PCDHA6: variants seen among roughly 807,000 people sequenced by gnomAD.
PCDHA6 encodes the protein protocadherin alpha 6, also known as protocadherin alpha-6.
In PCDHA6, 55 loss-of-function variants were observed where a neutral mutation model predicts 60.3. That is an observed-to-expected ratio of 0.91 (90% CI 0.73 to 1.14). The LOEUF is 1.14. Among genes scored for constraint, PCDHA6 ranks in the 50% most tolerant of loss-of-function variants. PCDHA6 has a pLI of 0.00. For synonymous variants in PCDHA6, 652 were observed against 557.9 expected, an observed-to-expected ratio of 1.17 and a Z score of -2.38; for missense variants, 1,327 against 1,256.5, an observed-to-expected ratio of 1.06 and a Z score of -0.85.
At chr5:140,838,240 A>C (rs181955850) in intron 1 of PCDHA6, among the ~76,000 whole-genome samples, 1 of 150,206 alleles carries the variant, frequency 6.7e-6, no homozygotes, top group Admixed American at 6.6e-5. Context: ...CAGTCTCCCA[A>C]GTAGCTGGGA....
intron 3 of PCDHA6, among the ~76,000 whole-genome samples, chr5:141,006,247 T>C (rs1554260651): frequency 2.0e-5 from 3 of 152,126 alleles, no homozygotes; most frequent in Non-Finnish European, 2.9e-5. Context: ...AGTCTTGCTC[T>C]GTTGCCCAGG....
intron 1 of PCDHA6, among the ~76,000 whole-genome samples, chr5:140,945,632 A>G (rs1258111936): frequency 6.6e-6 from 1 of 152,168 alleles, no homozygotes; most frequent in African/African-American, 2.4e-5. Flanking sequence ...GGCATAAAAG[A>G]CATGTAGACC....
intron 1 of PCDHA6, among the ~76,000 whole-genome samples, chr5:140,940,131 G>A (rs1443086111): frequency 7.2e-5 from 11 of 152,092 alleles, no homozygotes; most frequent in African/African-American, 2.4e-4. Context: ...ATTTCTGCTA[G>A]TGATAAACTA....
At chr5:140,983,807 G>A (rs1158459034) in intron 3 of PCDHA6, among the ~76,000 whole-genome samples, 1 of 152,100 alleles carries the variant, frequency 6.6e-6, no homozygotes, top group African/African-American at 2.4e-5. Context: ...TGTGTAAAAG[G>A]TTTTTTCCCA....
chr5:140,960,258 T>G (rs551623092), intron 1 of PCDHA6, among the ~76,000 whole-genome samples: 1 of 152,248 alleles, frequency 6.6e-6, no homozygotes, highest in Non-Finnish European at 1.5e-5. Context: ...CTGGAGCTTC[T>G]GATAAATTCC....
chr5:140,977,518 G>C (rs1328241179), intron 1 of PCDHA6, among the ~76,000 whole-genome samples: 5 of 152,166 alleles, frequency 3.3e-5, no homozygotes, highest in African/African-American at 7.2e-5. Context: ...TTGTGAACTT[G>C]AAAACAAAGG....
rs572664608 is a variant in PCDHA6 at position 140,918,936 on chromosome 5, T to C, written c.2395-60013T>C. 6.0e-4 allele frequency among the ~76,000 whole-genome samples: 92 copies of C among 152,342 alleles called. 2 individuals are homozygous for C. Among genetic ancestry groups the C allele is most frequent in the Admixed American group, 5.2e-3 (80 of 15,310 alleles). On this transcript the variant is annotated intron_variant, in intron 1 of 3. Transcript: ENST00000529310. ...AACTACACAGCATATGGCATTTTGT[T>C]ATAATATCCTGAACAGACTAAGACA...
rs782027925 is a variant in PCDHA6, at chr5:140,877,333, C to G, written c.2394+46848C>G. The G allele has an allele frequency of 2.5e-6, 4 of 1,613,992 alleles. No individual in the cohort carries two copies. The South Asian group carries it at 3.3e-5, about 13-fold the overall frequency. Reference sequence around the variant, plus strand: ...ACCGGCGGCGGTCGGCGCGCACATCCCGTTCCACGTGGGGCTGTACACTGG... The same window carrying G: ...ACCGGCGGCGGTCGGCGCGCACATCGCGTTCCACGTGGGGCTGTACACTGG... On this transcript the variant is annotated intron_variant, in intron 1 of 3. Transcript: ENST00000529310.
At chr5:140,985,936 T>C (rs1379150817) in intron 3 of PCDHA6, among the ~76,000 whole-genome samples, 3 of 152,038 alleles carry the variant, frequency 2.0e-5, no homozygotes, top group Non-Finnish European at 2.9e-5. Context: ...AGCCGGGGTT[T>C]CACTGTGTTA....
intron 1 of PCDHA6, among the ~76,000 whole-genome samples, chr5:140,913,794 T>A: frequency 6.6e-6 from 1 of 152,194 alleles, no homozygotes. Context: ...ATCATTTGTT[T>A]GAATCAAATT....
rs2150444436 is a variant in PCDHA6, at chr5:140,849,672, G to T, written c.2394+19187G>T. On this transcript the variant is annotated intron_variant, in intron 1 of 3. Coordinates refer to ENST00000529310, the MANE Select transcript of PCDHA6 (RefSeq NM_018909.4). The stretch of plus-strand genomic sequence containing the variant: ...GGTTACCTGCTCCCTGACGCCCCAC[G>T]TCCCCTTCAAGCTGGTGTCCACCTA... 151 of 1,598,650 alleles carry T rather than the reference G, an allele frequency of 9.4e-5. 5 individuals carry two copies. The South Asian group carries it at 1.5e-3, about 16-fold the overall frequency.
chr5:140,843,528 A>G (rs2150362110), intron 1 of PCDHA6: 1 of 1,596,000 alleles, frequency 6.3e-7, no homozygotes, highest in Non-Finnish European at 8.6e-7. Context: ...CGGGCGGGCA[A>G]GCCCACTCTG....
At chr5:140,877,724 C>A in intron 1 of PCDHA6, 1 of 1,614,150 alleles carries the variant, frequency 6.2e-7, no homozygotes, top group Non-Finnish European at 8.5e-7. Context: ...TGGTCTTACT[C>A]GCAGCAGAGG....
intron 3 of PCDHA6, among the ~76,000 whole-genome samples, chr5:140,999,252 T>C (rs1474093411): frequency 1.3e-5 from 2 of 152,204 alleles, no homozygotes; most frequent in African/African-American, 4.8e-5. Flanking sequence ...GGGAGTTGGA[T>C]TAGTAAAGGA....
chr5:140,833,761 C>CAG (rs1772632017), intron 1 of PCDHA6, among the ~76,000 whole-genome samples: 1 of 151,960 alleles, frequency 6.6e-6, no homozygotes, highest in South Asian at 2.1e-4. Flanking sequence ...AACACACACA[C>CAG]ACACACCGCT....
At chr5:140,836,355 T>G (rs2150258561) in intron 1 of PCDHA6, 2 of 1,613,660 alleles carry the variant, frequency 1.2e-6, no homozygotes, top group Admixed American at 3.3e-5. Flanking sequence ...CGGGGAGCCC[T>G]CGCTGACAGC....
intron 1 of PCDHA6, chr5:140,867,827 C>A (rs1219513690): frequency 2.0e-5 from 3 of 152,066 alleles, no homozygotes; most frequent in Non-Finnish European, 4.4e-5. Context: ...TCCACAAGCA[C>A]TAAGGTAATT....
chr5:140,841,305 G>A (rs2150313122), intron 1 of PCDHA6: 2 of 1,543,548 alleles, frequency 1.3e-6, no homozygotes, highest in Non-Finnish European at 1.8e-6. Context: ...TTTTCTGATA[G>A]GAAACGACTA....
intron 3 of PCDHA6, 65 bp downstream of exon 3, chr5:140,982,628 G>T: frequency 6.3e-7 from 1 of 1,578,118 alleles, no homozygotes; most frequent in Non-Finnish European, 8.6e-7. Flanking sequence ...ACCTACTTTT[G>T]TAAGATCAGG....
Sources: gnomAD v4.1 joint callset for allele counts (sites outside exome capture counted in the v4.1 genomes callset) on GRCh38, gnomAD v4.1.1 for gene constraint, MANE v1.5 for transcripts, NCBI Gene and HGNC (gene_info 2026-07-23, HGNC 2026-07-21) for gene names.